Variants in DNAAF4 observed in about 807,000 individuals in gnomAD.
The protein encoded by DNAAF4 is dynein assembly factor 4, axonemal.
Under a neutral mutation model 51.8 loss-of-function variants are expected in DNAAF4, and 43 were observed. The ratio of observed to expected loss-of-function variants is 0.83; its 90% CI spans 0.65 to 1.07. DNAAF4 has a LOEUF of 1.07. Ranked by LOEUF, DNAAF4 falls within the 50% of genes least tolerant of loss-of-function variation. The pLI is 0.00. For missense variants in DNAAF4, 581 were observed against 493.0 expected, an observed-to-expected ratio of 1.18 and a Z score of -1.69; for synonymous variants, 194 against 165.6, an observed-to-expected ratio of 1.17 and a Z score of -1.32.
rs974724008 is a variant in DNAAF4, at chr15:55,432,535, C to T, written c.1115G>A (p.Arg372His). Reference protein sequence around the residue: ...ANARMKAHVRRGTAFCQLELY... With the variant: ...ANARMKAHVRHGTAFCQLELY... ...TTCTAGTTGACAGAATGCTGTTCCA[C>T]GTCGTACATGTGCCTTCATTCTTGC... Residue 372 changes from arginine (R) to histidine (H), a missense_variant, in exon 9 of 10, where the codon CGT (arginine) becomes CAT (histidine). By Grantham distance (29) the Arg-to-His change is conservative. Coordinates refer to ENST00000321149, the MANE Select transcript of DNAAF4 (RefSeq NM_130810.4). 10 of 1,612,184 alleles carry T rather than the reference C, an allele frequency of 6.2e-6. No homozygotes were observed. Among genetic ancestry groups the T allele is most frequent in the Non-Finnish European group, 6.8e-6 (8 of 1,178,840 alleles).
chr15:55,437,476 T>C (rs530051613), intron 7 of DNAAF4, among the ~76,000 whole-genome samples: 2 of 152,040 alleles, frequency 1.3e-5, no homozygotes, highest in East Asian at 3.9e-4. Context: ...AGGAAAAATA[T>C]AGATATTGTG....
At chr15:55,456,408 T>C (rs2058022247) in intron 5 of DNAAF4, among the ~76,000 whole-genome samples, 1 of 152,172 alleles carries the variant, frequency 6.6e-6, no homozygotes, top group Admixed American at 6.6e-5. Context: ...CAAAGTTTAA[T>C]ATTCTAAAAT....
downstream of DNAAF4, among the ~76,000 whole-genome samples, chr15:55,427,612 G>C (rs1160465599): frequency 1.3e-5 from 2 of 151,944 alleles, no homozygotes; most frequent in Non-Finnish European, 2.9e-5. Context: ...GGGAGGGTCA[G>C]AATTTTGTAG....
intron 6 of DNAAF4, among the ~76,000 whole-genome samples, chr15:55,447,794 GAGAGGGGAGAGGGC>G (rs1325510069): frequency 7.9e-6 from 1 of 127,278 alleles, no homozygotes. Flanking sequence ...GGGGAGAGGG[GAGAGGGGAGAGGGC>G]AGAGGGGAGA....
In DNAAF4 at chr15:55,498,183, G is replaced by C. The variant is rs12907654; in HGVS notation, c.123+24C>G. ...GCTTCGGACCACACCCCCGGAGACC[G>C]GCAGGCAAGACTTGCATTCTTACCT... On this transcript the variant is annotated intron_variant, in intron 2 of 9. Transcript: ENST00000321149. 31,847 of 1,613,968 alleles carry C rather than the reference G, an allele frequency of 0.02. 380 individuals carry two copies. The highest frequency in any genetic ancestry group is 0.023 in the Non-Finnish European group (27,214 of 1,179,948).
chr15:55,428,637 G>A (rs1412532906), downstream of DNAAF4, among the ~76,000 whole-genome samples: 1 of 150,912 alleles, frequency 6.6e-6, no homozygotes, highest in African/African-American at 2.4e-5. Flanking sequence ...TGGGACTACA[G>A]GCGCCTGCCA....
chr15:55,507,535 T>C (rs547574077), intron 1 of DNAAF4, among the ~76,000 whole-genome samples: 1 of 152,292 alleles, frequency 6.6e-6, no homozygotes, highest in South Asian at 2.1e-4. Context: ...TGCATCACTG[T>C]AAAGTTAGGA....
chr15:55,444,075 T>G (rs1356804567), intron 6 of DNAAF4, among the ~76,000 whole-genome samples: 1 of 152,200 alleles, frequency 6.6e-6, no homozygotes, highest in Non-Finnish European at 1.5e-5. Context: ...ATTTTGGCTT[T>G]TGTTGCCATT....
At chr15:55,505,601 T>A (rs1450127752) in intron 1 of DNAAF4, among the ~76,000 whole-genome samples, 1 of 151,660 alleles carries the variant, frequency 6.6e-6, no homozygotes, top group East Asian at 1.9e-4. Flanking sequence ...AAAGGAGGAG[T>A]TCACGTCCTT....
chr15:55,497,762 G>A lies in DNAAF4; in HGVS notation c.221C>T (p.Thr74Ile). 6.2e-7 allele frequency: 1 copy of A among 1,613,972 alleles called. No individual in the cohort carries two copies. The highest frequency in any genetic ancestry group is 8.5e-7 in the Non-Finnish European group (1 of 1,179,978). ...CATGGCCGCTTCTTTTTTATACAAG[G>A]TGAAGACAATGGTGTCATTCCCAAT... ...AKIGNDTIVF[T>I]LYKKEAAMWE... is the part of the protein sequence containing the mutation. The change falls in exon 3 of 10, where the codon ACC (threonine) becomes ATC (isoleucine). Residue 74 changes from threonine (T) to isoleucine (I), a missense_variant. Thr to Ile is a moderately conservative substitution (Grantham distance 89). Coordinates refer to ENST00000321149, the MANE Select transcript of DNAAF4 (RefSeq NM_130810.4).
chr15:55,450,921 A>C (rs1200428760), intron 5 of DNAAF4, among the ~76,000 whole-genome samples: 1 of 152,186 alleles, frequency 6.6e-6, no homozygotes, highest in African/African-American at 2.4e-5. Flanking sequence ...AACATGATGA[A>C]ACCCTGTCTC....
chr15:55,439,551 C>T lies in DNAAF4; in HGVS notation c.814G>A (p.Ala272Thr), dbSNP rs745396760. 27 of 1,613,884 alleles carry T rather than the reference C, an allele frequency of 1.7e-5. No individual in the cohort carries two copies. In the Middle Eastern group the frequency reaches 8.2e-4, roughly 49 times the overall value. The change falls in exon 7 of 10, where the codon GCA becomes ACA. Residue 272 changes from alanine to threonine, a missense_variant. By Grantham distance (58) the Ala-to-Thr change is moderately conservative (BLOSUM62 0). Transcript: ENST00000321149. Reference protein sequence around the residue: ...WLHKQAEARRAMNTDIAELCD... With the variant: ...WLHKQAEARRTMNTDIAELCD... ...AGTTCAGCTATGTCAGTATTCATTG[C>T]TCTTCGTGCCTCAGCTTGTTTGTGT... is the stretch of plus-strand genomic sequence containing the variant.
chr15:55,453,042 G>A (rs2057960641), intron 5 of DNAAF4, among the ~76,000 whole-genome samples: 3 of 152,080 alleles, frequency 2.0e-5, no homozygotes, highest in Admixed American at 6.6e-5. Flanking sequence ...GGCCAGGCTG[G>A]TCTCGAACTC....
At chr15:55,462,149 A>T (rs1246776036) in intron 5 of DNAAF4, among the ~76,000 whole-genome samples, 1 of 152,174 alleles carries the variant, frequency 6.6e-6, no homozygotes, top group Non-Finnish European at 1.5e-5. Context: ...ACAGTAATTT[A>T]AAAATGGCCA....
At chr15:55,457,719 C>A (rs931604642) in intron 5 of DNAAF4, among the ~76,000 whole-genome samples, 3 of 152,166 alleles carry the variant, frequency 2.0e-5, no homozygotes, top group Non-Finnish European at 2.9e-5. Flanking sequence ...AATCTGTCCA[C>A]GTGACAACTT....
intron 5 of DNAAF4, among the ~76,000 whole-genome samples, chr15:55,454,595 C>G (rs1239846266): frequency 3.3e-5 from 5 of 152,004 alleles, no homozygotes; most frequent in African/African-American, 1.2e-4. Context: ...CCAGGCAAGT[C>G]TCGAACTCCT....
chr15:55,494,161 C>A (rs1163510615), intron 3 of DNAAF4, among the ~76,000 whole-genome samples: 1 of 150,482 alleles, frequency 6.6e-6, no homozygotes, highest in Non-Finnish European at 1.5e-5. Context: ...TCCTGAGTAG[C>A]TGGGATTGCA....
chr15:55,460,183 A>ATTTT lies in DNAAF4; in HGVS notation c.637+6746_637+6747insAAAA, dbSNP rs372643539. Among the ~76,000 whole-genome samples, 21 of 145,108 alleles carry ATTTT rather than the reference A, an allele frequency of 1.4e-4. 2 individuals are homozygous for ATTTT. Among genetic ancestry groups the ATTTT allele is most frequent in the South Asian group, 4.3e-4 (2 of 4,698 alleles). On this transcript the variant is annotated intron_variant, in intron 5 of 9. Coordinates refer to ENST00000321149, the MANE Select transcript of DNAAF4 (RefSeq NM_130810.4). ...TATTTATTTATTTATTTACTTATTT[A>ATTTT]TTTATTTTTTTTTTTGAGACAGAGT...
At chr15:55,466,889 C>CCAACAGGACTCACTACT in intron 5 of DNAAF4, 41 bp downstream of exon 5, 1 of 1,573,858 alleles carries the variant, frequency 6.4e-7, no homozygotes, top group South Asian at 1.2e-5. Flanking sequence ...ATATACTTCA[C>CCAACAGGACTCACTACT]CAACAGGACT....
Sources: allele counts gnomAD v4.1 joint callset (sites outside exome capture counted in the v4.1 genomes callset), GRCh38; gene constraint gnomAD v4.1.1; transcripts MANE v1.5; gene names NCBI Gene and HGNC (gene_info 2026-07-23, HGNC 2026-07-21).